The following GAREM1 variants were observed in gnomAD, a reference collection of about 807,000 sequenced individuals.
GAREM1 encodes GRB2 associated regulator of MAPK1 subtype 1.
A neutral mutation model predicts 71.3 loss-of-function variants in GAREM1; 26 were observed. The observed-to-expected ratio is 0.36, with a 90% CI of 0.27 to 0.51. The LOEUF (loss-of-function observed/expected upper bound fraction) is 0.51. GAREM1 is among the 20% of genes least tolerant of loss of function. GAREM1 has a pLI of 0.95. For missense variants in GAREM1, 1,026 were observed against 1,103.1 expected (o/e 0.93, Z 0.99); for synonymous variants, 440 against 433.2 (o/e 1.02, Z -0.20).
chr18:32,365,970 A>T (rs192123426), intron 2 of GAREM1, among the ~76,000 whole-genome samples: 2 of 152,256 alleles, frequency 1.3e-5, no homozygotes, highest in Admixed American at 1.3e-4. Flanking sequence ...TTCTTAGTAA[A>T]TCATAAAAGA....
At chr18:32,329,494 T>G (rs2047508558) in intron 2 of GAREM1, among the ~76,000 whole-genome samples, 1 of 151,378 alleles carries the variant, frequency 6.6e-6, no homozygotes, top group Admixed American at 6.6e-5. Flanking sequence ...GATCACAAGG[T>G]CAGGAGTTCA....
At chr18:32,355,843 A>C (rs1480092362) in intron 2 of GAREM1, among the ~76,000 whole-genome samples, 1 of 152,226 alleles carries the variant, frequency 6.6e-6, no homozygotes, top group Non-Finnish European at 1.5e-5. Context: ...ATTGGACAAA[A>C]AAGAATGCAC....
intron 2 of GAREM1, among the ~76,000 whole-genome samples, chr18:32,372,491 T>A (rs866308775): frequency 6.6e-6 from 1 of 152,066 alleles, no homozygotes; most frequent in African/African-American, 2.4e-5. Context: ...TTAAACACAA[T>A]CTTATGAGTA....
Position 32,308,671 on chromosome 18 carries a change from A to G in GAREM1, c.393+1522T>C, listed in dbSNP as rs1019195107. 2.7e-5 allele frequency among the ~76,000 whole-genome samples: 4 copies of G among 150,322 alleles called. No individual in the cohort carries two copies. In the South Asian group the frequency reaches 8.5e-4, roughly 32 times the overall value. On this transcript the variant is annotated intron_variant, in intron 3 of 5. Transcript: ENST00000269209. ...AATGAACATGTTTGCACAAGTTTTC[A>G]CTGTAAACAAATGCAAGCTGTCTTG...
At chr18:32,464,162 A>G (rs2048977968) in intron 1 of GAREM1, among the ~76,000 whole-genome samples, 1 of 151,946 alleles carries the variant, frequency 6.6e-6, no homozygotes, top group Admixed American at 6.6e-5. Context: ...GTGGTAGTGC[A>G]TGCCTGTAAG....
intron 2 of GAREM1, among the ~76,000 whole-genome samples, chr18:32,353,102 C>T (rs1598983051): frequency 6.6e-6 from 1 of 152,166 alleles, no homozygotes; most frequent in East Asian, 1.9e-4. Context: ...ATGTGATTTT[C>T]TATTTAGAAT....
chr18:32,385,845 T>A (rs1425709041), intron 2 of GAREM1, among the ~76,000 whole-genome samples: 1 of 152,184 alleles, frequency 6.6e-6, no homozygotes, highest in African/African-American at 2.4e-5. Context: ...CTTGTACTTG[T>A]ATGAAATATA....
intron 1 of GAREM1, among the ~76,000 whole-genome samples, chr18:32,453,166 A>G (rs959987285): frequency 6.6e-6 from 1 of 152,124 alleles, no homozygotes; most frequent in African/African-American, 2.4e-5. Flanking sequence ...AGAACCAAGC[A>G]AAAGGGGAAA....
chr18:32,399,038 T>C (rs1167107046), intron 1 of GAREM1, among the ~76,000 whole-genome samples: 2 of 152,132 alleles, frequency 1.3e-5, no homozygotes, highest in Non-Finnish European at 2.9e-5. Context: ...ATAAATGTAA[T>C]CCAGCATATA....
At chr18:32,424,619 A>G (rs1015511145) in intron 1 of GAREM1, among the ~76,000 whole-genome samples, 3 of 152,230 alleles carry the variant, frequency 2.0e-5, no homozygotes, top group East Asian at 1.9e-4. Flanking sequence ...AGCATTAACT[A>G]TATCAAGATA....
chr18:32,409,129 C>T (rs2048393471), intron 1 of GAREM1, among the ~76,000 whole-genome samples: 1 of 152,152 alleles, frequency 6.6e-6, no homozygotes, highest in African/African-American at 2.4e-5. Flanking sequence ...TTGCAGTCCA[C>T]AAGACCACTA....
At position 32,433,374 on chromosome 18, in the gene GAREM1, C is replaced by T. The variant is rs531606022; in HGVS notation, c.121+36934G>A. Among the ~76,000 whole-genome samples the T allele has an allele frequency of 5.3e-5, 8 of 150,802 alleles. No individual in the cohort carries two copies. In the East Asian group the frequency reaches 5.8e-4, roughly 11 times the overall value. On this transcript the variant is annotated intron_variant, in intron 1 of 5. Transcript: ENST00000269209. The stretch of plus-strand genomic sequence containing the variant: ...AATGTTTTCCCCCTAAAATCAAGAA[C>T]GAGGAAAGGATACCCACTCTTACCA...
chr18:32,452,424 TCCAAA>T (rs1462700861), intron 1 of GAREM1, among the ~76,000 whole-genome samples: 18 of 152,332 alleles, frequency 1.2e-4, no homozygotes, highest in Non-Finnish European at 2.4e-4. Flanking sequence ...GTTCAGGCGT[TCCAAA>T]CCTTTGTCAG....
intron 4 of GAREM1, among the ~76,000 whole-genome samples, chr18:32,276,016 C>T (rs1245817953): frequency 6.6e-6 from 1 of 152,226 alleles, no homozygotes; most frequent in African/African-American, 2.4e-5. Context: ...TTTCAATTAT[C>T]ATCAAACATG....
Position 32,275,407 on chromosome 18 carries a change from G to A in GAREM1, c.1567-5024C>T, listed in dbSNP as rs917894897. 3.9e-5 allele frequency among the ~76,000 whole-genome samples: 6 copies of A among 152,332 alleles called. No individual in the cohort carries two copies. The South Asian group carries it at 6.2e-4, about 16-fold the overall frequency. ...CTCCAACCCTCACGCTCAGTGAAGA[G>A]CTGGCGTTCTGTTTTGAGGTGGGTG... is the stretch of plus-strand genomic sequence containing the variant. On this transcript the variant is annotated intron_variant, in intron 4 of 5. Coordinates refer to ENST00000269209, the MANE Select transcript of GAREM1 (RefSeq NM_001242409.2).
intron 3 of GAREM1, among the ~76,000 whole-genome samples, chr18:32,296,572 A>G (rs991150921): frequency 5.3e-5 from 8 of 152,182 alleles, no homozygotes; most frequent in Admixed American, 5.2e-4. Context: ...TGAAGAATAT[A>G]GCTCAAGGTT....
In GAREM1 at chr18:32,470,472, C is replaced by T. The variant is rs1311120022; in HGVS notation, c.-44G>A. 7.2e-6 allele frequency: 9 copies of T among 1,244,402 alleles called. No individual in the cohort carries two copies. Among genetic ancestry groups the T allele is most frequent in the Non-Finnish European group, 9.2e-6 (9 of 983,302 alleles). The allele number at this position is 1,244,402 out of a possible 1,614,324, so 77.1% of individuals were successfully genotyped here. ...TCCCGCGCTCCCCCGCCGCCGCCAC[C>T]GGCACCACCCGCGCCTCGGCGGCCG... On this transcript the variant is annotated 5_prime_UTR_variant, in exon 1 of 6. Coordinates refer to ENST00000269209, the MANE Select transcript of GAREM1 (RefSeq NM_001242409.2). The surrounding 1 kb of genome is among the most constrained non-coding windows in gnomAD (Gnocchi z 4.4).
chr18:32,268,109 T>G lies in GAREM1; in HGVS notation c.2393A>C (p.Asp798Ala). The part of the protein sequence containing the change: ...HLQLAPRSCG[D>A]GSPWQPPADL... ...AGCAGGTGGCTGCCATGGGGAACCG[T>G]CGCCACAGGATCTGGGGGCCAGCTG... is the stretch of plus-strand genomic sequence containing the variant. Residue 798 changes from aspartate (D) to alanine (A), a missense_variant, in exon 6 of 6, where the codon GAC becomes GCC. By Grantham distance (126) the Asp-to-Ala change is moderately radical. Around this residue, in one of 3 missense-constraint regions of GAREM1, gnomAD observed 636 missense variants for 631.2 expected, o/e 1.01. Transcript: ENST00000269209. 1 of 1,614,104 alleles carries G rather than the reference T, an allele frequency of 6.2e-7. No homozygotes were observed. The highest frequency in any genetic ancestry group is 1.1e-5 in the South Asian group (1 of 91,052).
intron 3 of GAREM1, among the ~76,000 whole-genome samples, chr18:32,293,193 T>C (rs1272511034): frequency 6.6e-6 from 1 of 152,000 alleles, no homozygotes; most frequent in Non-Finnish European, 1.5e-5. Context: ...CTTAGTTTTT[T>C]TCCTTTCCAA....
Sources: gnomAD v4.1 joint callset for allele counts (sites outside exome capture counted in the v4.1 genomes callset) on GRCh38, gnomAD v4.1.1 for gene constraint, gnomAD v4.1.1 regional missense constraint, Gnocchi (gnomAD v3.1) non-coding constraint, MANE v1.5 for transcripts, NCBI Gene and HGNC (gene_info 2026-07-23, HGNC 2026-07-21) for gene names.